Variants in AFDN observed in about 807,000 individuals in gnomAD.
The protein encoded by AFDN is afadin, adherens junction formation factor, also known as afadin.
Under a neutral mutation model 216.6 loss-of-function variants are expected in AFDN, and 68 were observed. The observed-to-expected ratio is 0.31, with a 90% CI of 0.26 to 0.38. The LOEUF (loss-of-function observed/expected upper bound fraction) is 0.38. Ranked by LOEUF, AFDN falls within the 10% of genes least tolerant of loss-of-function variation. AFDN has a pLI of 1.00. For synonymous variants in AFDN, 868 were observed against 853.7 expected (o/e 1.02, Z -0.29); for missense variants, 2,136 against 2,342.0 (o/e 0.91, Z 1.82).
intron 1 of AFDN, among the ~76,000 whole-genome samples, chr6:167,856,113 C>A (rs1165762447): frequency 6.6e-6 from 1 of 152,136 alleles, no homozygotes; most frequent in Non-Finnish European, 1.5e-5. Context: ...CTGTTAGTCA[C>A]ATATAGCTGC....
intron 13 of AFDN, among the ~76,000 whole-genome samples, chr6:167,909,976 A>G (rs186234770): frequency 9.4e-4 from 143 of 152,328 alleles, no homozygotes; most frequent in African/African-American, 3.4e-3. Flanking sequence ...GGTTTTTGGT[A>G]AATATTGTAT....
chr6:167,935,335 G>A (rs945489835), intron 23 of AFDN, among the ~76,000 whole-genome samples: 3 of 152,276 alleles, frequency 2.0e-5, no homozygotes, highest in African/African-American at 7.2e-5. Flanking sequence ...TGTGCTACAC[G>A]TTGGGTACCC....
intron 8 of AFDN, among the ~76,000 whole-genome samples, chr6:167,893,242 C>T (rs575254214): frequency 3.9e-5 from 6 of 152,242 alleles, no homozygotes; most frequent in African/African-American, 9.6e-5. Context: ...GTCATGATGT[C>T]GTTTTAGGTT....
At chr6:167,907,141 C>G in intron 12 of AFDN, 30 bp from the exon 13 acceptor site, 1 of 1,579,430 alleles carries the variant, frequency 6.3e-7, no homozygotes, top group Admixed American at 1.7e-5. Context: ...GTGTGAGGTT[C>G]TAAACCCGTT....
Position 167,970,509 on chromosome 6 carries a change from G to A in AFDN, c.*574G>A. 1 of 218,070 alleles carries A rather than the reference G, an allele frequency of 4.6e-6. No individual in the cohort carries two copies. Among genetic ancestry groups the A allele is most frequent in the Non-Finnish European group, 9.2e-6 (1 of 108,528 alleles). The allele number at this position is 218,070 out of a possible 1,614,324, so 13.5% of individuals were successfully genotyped here. A position where few individuals can be genotyped will look rare whatever the true frequency, so the allele number is the denominator to read the frequency against. ...ATCCTTCTAGTCTGCATCGTGAAGT[G>A]GCTTAGGCCAAAGCTTCCTGTGTGA... On this transcript the variant is annotated 3_prime_UTR_variant, in exon 34 of 34. Coordinates refer to ENST00000683244, the MANE Select transcript of AFDN (RefSeq NM_001386888.1).
chr6:167,950,396 GTC>G (rs199513540), intron 29 of AFDN, among the ~76,000 whole-genome samples: 9 of 134,542 alleles, frequency 6.7e-5, no homozygotes, highest in African/African-American at 1.3e-4. Flanking sequence ...TTTTCTCTGT[GTC>G]TGTGTGTGTG....
intron 1 of AFDN, chr6:167,827,783 C>G (rs1390291793): frequency 6.6e-6 from 1 of 152,132 alleles, no homozygotes; most frequent in Non-Finnish European, 1.5e-5. Flanking sequence ...GGCACAGGCC[C>G]GGAGTCGGAC....
chr6:167,864,239 A>G (rs1783910108), intron 1 of AFDN: 1 of 571,284 alleles, frequency 1.8e-6, no homozygotes, highest in Admixed American at 1.9e-5. Flanking sequence ...CTGCATTCTT[A>G]TAAATATTGA....
chr6:167,917,106 C>T lies in AFDN; in HGVS notation c.2583C>T (p.Thr861=), dbSNP rs1484221677. ...SRIVQATTLL[T]MDKYAPDDIP... ...TTACATAGGCAACGACTTTGCTTAC[C>T]ATGGATAAGTATGCACCTGATGACA... Residue 861 remains threonine, a synonymous_variant, in exon 20 of 34, where the codon ACC becomes ACT. Coordinates refer to ENST00000683244, the MANE Select transcript of AFDN (RefSeq NM_001386888.1). 1 of 1,611,744 alleles carries T rather than the reference C, an allele frequency of 6.2e-7. No homozygotes were observed. The highest frequency in any genetic ancestry group is 1.7e-4 in the Middle Eastern group (1 of 6,052).
In AFDN at chr6:167,898,394, A is replaced by C. The variant is rs1788542930; in HGVS notation, c.1507A>C (p.Ser503Arg). Residue 503 changes from serine to arginine, a missense_variant, in exon 11 of 34, where the codon AGT becomes CGT. Physicochemically the swap from Ser to Arg is moderately radical, Grantham distance 110. Transcript: ENST00000683244. ...ASHVFKFVDPSQDHALAKRSV... is the reference protein window; with the variant it reads ...ASHVFKFVDPRQDHALAKRSV... ...CCATGTATTTAAGTTTGTGGACCCC[A>C]GTCAGGATCATGCTCTTGCAAAAAG... The C allele has an allele frequency of 6.2e-7, 1 of 1,614,082 alleles. No individual in the cohort carries two copies. Among genetic ancestry groups the C allele is most frequent in the Non-Finnish European group, 8.5e-7 (1 of 1,180,036 alleles).
chr6:167,906,075 C>T (rs1294579482), intron 12 of AFDN, among the ~76,000 whole-genome samples: 2 of 152,150 alleles, frequency 1.3e-5, no homozygotes, highest in African/African-American at 2.4e-5. Flanking sequence ...TGCACTCCAG[C>T]CTGGGTGACA....
intron 5 of AFDN, among the ~76,000 whole-genome samples, chr6:167,876,899 A>C (rs1034595312): frequency 1.3e-5 from 2 of 152,098 alleles, no homozygotes; most frequent in African/African-American, 4.8e-5. Context: ...TTTGTTAATA[A>C]GCTGTTGAAG....
intron 1 of AFDN, among the ~76,000 whole-genome samples, chr6:167,831,046 A>C (rs1322442478): frequency 1.5e-5 from 2 of 135,862 alleles, no homozygotes; most frequent in Non-Finnish European, 3.0e-5. Flanking sequence ...GGTTCAAGTG[A>C]TTCTTGTGCC....
At chr6:167,937,181 T>C (rs1364569776) in intron 23 of AFDN, among the ~76,000 whole-genome samples, 2 of 152,128 alleles carry the variant, frequency 1.3e-5, no homozygotes, top group Non-Finnish European at 2.9e-5. Flanking sequence ...GAGCAGTCCG[T>C]GAAGTGGAGG....
intron 8 of AFDN, among the ~76,000 whole-genome samples, chr6:167,891,543 G>C (rs1025127812): frequency 6.6e-6 from 1 of 151,428 alleles, no homozygotes; most frequent in African/African-American, 2.4e-5. Flanking sequence ...AAGGCTATTT[G>C]ATTTTAAAGT....
intron 23 of AFDN, chr6:167,932,748 AAC>A (rs1217098904): frequency 4.6e-5 from 7 of 152,238 alleles, no homozygotes; most frequent in Admixed American, 6.5e-5. Context: ...TTGTTGGAAG[AAC>A]ACAGTCAGTG....
chr6:167,851,765 G>A (rs1283890926), intron 1 of AFDN, among the ~76,000 whole-genome samples: 1 of 152,130 alleles, frequency 6.6e-6, no homozygotes, highest in Admixed American at 6.5e-5. Context: ...CTTGCTTTTT[G>A]TATGACACAC....
In AFDN at chr6:167,856,766, A is replaced by T. The variant is rs541533085; in HGVS notation, c.106-7785A>T. On this transcript the variant is annotated intron_variant, in intron 1 of 33. Transcript: ENST00000683244. Reference sequence around the variant, plus strand: ...GGTATCTGAGGCTGAATACCAGACAAGGCTAAAACAGAAACTTTCAATTTG... The same window carrying T: ...GGTATCTGAGGCTGAATACCAGACATGGCTAAAACAGAAACTTTCAATTTG... Among the ~76,000 whole-genome samples the T allele has an allele frequency of 2.6e-5, 4 of 152,236 alleles. No individual in the cohort carries two copies. The East Asian group carries it at 7.7e-4, about 29-fold the overall frequency.
rs1228408562 is a variant in AFDN, at chr6:167,893,907, G to T, written c.1222+1G>T. 5 of 1,579,862 alleles carry T rather than the reference G, an allele frequency of 3.2e-6. No individual in the cohort carries two copies. The highest frequency in any genetic ancestry group is 4.3e-6 in the Non-Finnish European group (5 of 1,159,690). On this transcript the variant is annotated splice_donor_variant, in intron 9 of 33. Transcript: ENST00000683244. LOFTEE classifies it high-confidence loss of function. ...TACTACAACTATCACACTTACGAAG[G>T]TAATGCTATGCTTACTACTACTTTT...
Sources: allele counts gnomAD v4.1 joint callset (sites outside exome capture counted in the v4.1 genomes callset), GRCh38; gene constraint gnomAD v4.1.1; transcripts MANE v1.5; gene names NCBI Gene and HGNC (gene_info 2026-07-23, HGNC 2026-07-21).